Variants in PLD5 observed in about 807,000 individuals in gnomAD.
PLD5 encodes phospholipase D family member 5.
Under a neutral mutation model 61.1 loss-of-function variants are expected in PLD5, and 36 were observed. The observed-to-expected ratio is 0.59, with a 90% confidence interval of 0.45 to 0.78. The LOEUF (loss-of-function observed/expected upper bound fraction) is 0.78, where lower values mean the gene tolerates loss of function less well. Ranked by LOEUF, PLD5 falls within the 30% of genes least tolerant of loss-of-function variation. PLD5 has a pLI of 0.00. For synonymous variants in PLD5, 243 were observed against 242.8 expected (o/e 1.00, Z -0.01); for missense variants, 515 against 644.4 (o/e 0.80, Z 2.17).
chr1:242,400,935 C>T (rs1259811466), intron 1 of PLD5, among the ~76,000 whole-genome samples: 1 of 152,194 alleles, frequency 6.6e-6, no homozygotes, highest in Non-Finnish European at 1.5e-5. Context: ...GTATCACCCA[C>T]ATGCCAATAA....
chr1:242,110,578 G>A (rs1661403588), intron 7 of PLD5, among the ~76,000 whole-genome samples: 1 of 152,184 alleles, frequency 6.6e-6, no homozygotes, highest in Admixed American at 6.5e-5. Context: ...GGGAGGCTGA[G>A]GTGGGTGGAT....
chr1:242,472,250 C>T (rs1047780547), intron 1 of PLD5, among the ~76,000 whole-genome samples: 1 of 152,196 alleles, frequency 6.6e-6, no homozygotes, highest in African/African-American at 2.4e-5. Flanking sequence ...ACTGAAGATG[C>T]ATGGGCTTGA....
chr1:242,528,327 C>A (rs73148033), upstream of PLD5, among the ~76,000 whole-genome samples: 7,528 of 152,112 alleles, frequency 0.049, 628 homozygotes, highest in African/African-American at 0.17. Context: ...ACTTTCAGGC[C>A]CAGAAATATT....
chr1:242,231,199 C>CAA (rs2149036674), intron 4 of PLD5, among the ~76,000 whole-genome samples: 1 of 152,296 alleles, frequency 6.6e-6, no homozygotes, highest in South Asian at 2.1e-4. Context: ...GCTGCCGGGG[C>CAA]ACGTGCTACG....
At chr1:242,185,299 A>G (rs1667800717) in intron 5 of PLD5, among the ~76,000 whole-genome samples, 1 of 152,082 alleles carries the variant, frequency 6.6e-6, no homozygotes, top group Non-Finnish European at 1.5e-5. Flanking sequence ...AACAACAACA[A>G]CAAGAAACTA....
At chr1:242,437,487 A>G (rs907691172) in intron 1 of PLD5, among the ~76,000 whole-genome samples, 17 of 152,158 alleles carry the variant, frequency 1.1e-4, no homozygotes, top group Admixed American at 1.3e-4. Flanking sequence ...ACCTGAGGTC[A>G]GGAGTTCAAG....
At chr1:242,454,101 G>T (rs1666869587) in intron 1 of PLD5, among the ~76,000 whole-genome samples, 1 of 152,110 alleles carries the variant, frequency 6.6e-6, no homozygotes, top group African/African-American at 2.4e-5. Context: ...AGGCCAAGGT[G>T]GGCAGATCAC....
chr1:242,528,092 T>C (rs1669486152), upstream of PLD5, among the ~76,000 whole-genome samples: 1 of 152,220 alleles, frequency 6.6e-6, no homozygotes. Flanking sequence ...TGTTTTTGCT[T>C]CTTTATTTTG....
chr1:242,358,196 G>A (rs1385539591), intron 1 of PLD5, among the ~76,000 whole-genome samples: 1 of 152,008 alleles, frequency 6.6e-6, no homozygotes, highest in Non-Finnish European at 1.5e-5. Context: ...ACTTAACTTT[G>A]TTAAGAGGAT....
In PLD5 at chr1:242,437,688, A is replaced by C. The variant is rs892897113; in HGVS notation, c.189+86400T>G. Among the ~76,000 whole-genome samples the C allele has an allele frequency of 2.3e-4, 6 of 25,860 alleles. No individual in the cohort carries two copies. The African/African-American group carries it at 2.4e-3, about 10-fold the overall frequency. 17.0% of individuals were successfully genotyped at this position (25,860 alleles called of 152,430 possible). On this transcript the variant is annotated intron_variant, in intron 1 of 9. Coordinates refer to ENST00000536534, the MANE Select transcript of PLD5 (RefSeq NM_001372062.1). Reference sequence around the variant, plus strand: ...GGCAACACAGCAAGTTTACGTCTCAAAAAAAAAAAATTTAGTTTACAAACA... The same window carrying C: ...GGCAACACAGCAAGTTTACGTCTCACAAAAAAAAAATTTAGTTTACAAACA...
At position 242,300,497 on chromosome 1, in the gene PLD5, A is replaced by C. The variant is rs181353166; in HGVS notation, c.327-11967T>G. 4.5e-3 allele frequency among the ~76,000 whole-genome samples: 681 copies of C among 151,694 alleles called. 4 individuals are homozygous for C. Among genetic ancestry groups the C allele is most frequent in the African/African-American group, 0.016 (655 of 41,332 alleles). On this transcript the variant is annotated intron_variant, in intron 2 of 9. Coordinates refer to ENST00000536534, the MANE Select transcript of PLD5 (RefSeq NM_001372062.1). ...AAGAAAGAAGAAGAAATCAAGGCAG[A>C]AATGAGGTTGGAGTGTTGGAAGAAC...
intron 4 of PLD5, among the ~76,000 whole-genome samples, chr1:242,248,481 CA>C (rs55896046): frequency 0.95 from 141,883 of 149,906 alleles, 67,574 homozygotes; most frequent in Non-Finnish European, 1. Context: ...AATACCACAC[CA>C]AAAAAAAAAA....
At chr1:242,415,130 G>A (rs113891695) in intron 1 of PLD5, among the ~76,000 whole-genome samples, 5,084 of 152,276 alleles carry the variant, frequency 0.033, 295 homozygotes, top group African/African-American at 0.11. Context: ...GGAAATAGTC[G>A]TTGCAATGTA....
chr1:242,383,031 G>A (rs2196826), intron 1 of PLD5, among the ~76,000 whole-genome samples: 40,329 of 151,996 alleles, frequency 0.27, 5,760 homozygotes, highest in Middle Eastern at 0.39. Context: ...ACAAATGTCA[G>A]CTGTCTAACA....
At chr1:242,387,698 T>C (rs1220890002) in intron 1 of PLD5, among the ~76,000 whole-genome samples, 4 of 144,698 alleles carry the variant, frequency 2.8e-5, no homozygotes, top group Non-Finnish European at 4.5e-5. Flanking sequence ...ATCTATTTTA[T>C]ATAAAATTTT....
Position 242,085,987 on chromosome 1 carries a change from TA to T in PLD5, c.*3866del, listed in dbSNP as rs1659429361. 1 of 152,030 alleles carries T rather than the reference TA, an allele frequency of 6.6e-6. No homozygotes were observed. Among genetic ancestry groups the T allele is most frequent in the Admixed American group, 6.6e-5 (1 of 15,252 alleles). The allele number at this position is 152,030 out of a possible 1,614,324, so 9.4% of individuals were successfully genotyped here. On this transcript the variant is annotated 3_prime_UTR_variant, in exon 10 of 10. Coordinates refer to ENST00000536534, the MANE Select transcript of PLD5 (RefSeq NM_001372062.1). ...TCTCCCCCCTTGGAATTTAGTTCAA[TA>T]AAAGTTCCTAAAAACAAACAGAATG...
intron 1 of PLD5, among the ~76,000 whole-genome samples, chr1:242,503,772 C>A (rs947578687): frequency 1.3e-5 from 2 of 152,030 alleles, no homozygotes; most frequent in African/African-American, 4.8e-5. Flanking sequence ...TCTCTTTTGG[C>A]CTTTGAATTT....
At chr1:242,145,896 G>A (rs1038931992) in intron 5 of PLD5, among the ~76,000 whole-genome samples, 2 of 152,190 alleles carry the variant, frequency 1.3e-5, no homozygotes, top group Non-Finnish European at 2.9e-5. Flanking sequence ...GGCTGGTCTC[G>A]AACTCCTGGC....
At chr1:242,529,777 A>ATCT in the PLD5 span, among the ~76,000 whole-genome samples, 1 of 74,398 alleles carries the variant, frequency 1.3e-5, no homozygotes, top group Non-Finnish European at 2.6e-5. Context: ...TGGCACTGGG[A>ATCT]TCTTCCTTCC....
Sources: allele counts gnomAD v4.1 joint callset (sites outside exome capture counted in the v4.1 genomes callset), GRCh38; gene constraint gnomAD v4.1.1; transcripts MANE v1.5; gene names NCBI Gene and HGNC (gene_info 2026-07-23, HGNC 2026-07-21).